RBM26: variants seen among roughly 807,000 people sequenced by gnomAD.
RBM26 encodes the protein RNA-binding protein 26.
Under a neutral mutation model 123.6 loss-of-function variants are expected in RBM26, and 30 were observed. The observed-to-expected ratio is 0.24, with a 90% confidence interval of 0.18 to 0.33. RBM26 has a LOEUF of 0.33. Among genes scored for constraint, RBM26 ranks in the 10% least tolerant of loss-of-function variants. The pLI is 1.00. For synonymous variants in RBM26, 400 were observed against 404.4 expected, an observed-to-expected ratio of 0.99 and a Z score of 0.13; for missense variants, 947 against 1,203.6, an observed-to-expected ratio of 0.79 and a Z score of 3.15.
At chr13:79,402,447 T>TC (rs1177530835) in intron 1 of RBM26, among the ~76,000 whole-genome samples, 152 of 151,906 alleles carry the variant, frequency 1.0e-3, no homozygotes, top group Non-Finnish European at 1.8e-3. Context: ...TTTTTTTTTT[T>TC]TTTTAAACAT....
intron 9 of RBM26, among the ~76,000 whole-genome samples, chr13:79,360,083 G>T (rs907921736): frequency 2.0e-5 from 3 of 152,016 alleles, no homozygotes; most frequent in Admixed American, 6.6e-5. Context: ...ATTTGACAGA[G>T]AAAGACAGGG....
At chr13:79,354,696 C>T (rs2073756942) in intron 12 of RBM26, 126 bp from the exon 13 acceptor site, 1 of 748,798 alleles carries the variant, frequency 1.3e-6, no homozygotes. Flanking sequence ...TAGTCAAAAC[C>T]TAACTGCCTT....
At chr13:79,396,271 G>A (rs914973563) in intron 1 of RBM26, among the ~76,000 whole-genome samples, 2 of 151,892 alleles carry the variant, frequency 1.3e-5, no homozygotes, top group Non-Finnish European at 2.9e-5. Context: ...AACCCAAAGT[G>A]TTTTAAAAGG....
At chr13:79,400,396 CAG>C (rs1368402138) in intron 1 of RBM26, among the ~76,000 whole-genome samples, 2 of 143,942 alleles carry the variant, frequency 1.4e-5, no homozygotes, top group Admixed American at 1.3e-4. Flanking sequence ...TGGCAGAAGT[CAG>C]AGGTCTCCCA....
rs963025039 is a variant in RBM26 at position 79,365,152 on chromosome 13, C to T, written c.1417+426G>A. 9.2e-5 allele frequency among the ~76,000 whole-genome samples: 14 copies of T among 152,066 alleles called. No homozygotes were observed. The South Asian group carries it at 2.5e-3, about 27-fold the overall frequency. On this transcript the variant is annotated intron_variant, in intron 9 of 21. Coordinates refer to ENST00000438737, the MANE Select transcript of RBM26 (RefSeq NM_001366735.2). Reference sequence around the variant, plus strand: ...GAAGGATACAGGGAACAAACAAAATCGCCATCCCAGCCAGTCACGGGGGCT... The same window carrying T: ...GAAGGATACAGGGAACAAACAAAATTGCCATCCCAGCCAGTCACGGGGGCT...
rs528750827 is a variant in RBM26 at position 79,324,247 on chromosome 13, G to A, written c.2821-1785C>T. Among the ~76,000 whole-genome samples the A allele has an allele frequency of 3.8e-4, 57 of 151,662 alleles. 1 individual carries two copies. Among genetic ancestry groups the A allele is most frequent in the African/African-American group, 1.3e-3 (52 of 41,458 alleles). ...ATATAAATATGTATGGTATGTATACGGAAACATACTAGTTTATAACTTCAT... is the reference window on the plus strand; with the variant it reads ...ATATAAATATGTATGGTATGTATACAGAAACATACTAGTTTATAACTTCAT... On this transcript the variant is annotated intron_variant, in intron 20 of 21. Transcript: ENST00000438737.
intron 1 of RBM26, among the ~76,000 whole-genome samples, chr13:79,403,184 A>G (rs1047678215): frequency 2.0e-5 from 3 of 152,150 alleles, no homozygotes; most frequent in African/African-American, 7.2e-5. Context: ...ATCAGCTTTT[A>G]TAAGTCATCA....
At chr13:79,366,583 T>C in intron 7 of RBM26, 50 bp downstream of exon 7, 2 of 1,473,102 alleles carry the variant, frequency 1.4e-6, no homozygotes, top group South Asian at 1.5e-5. Context: ...GTTTTAAAAA[T>C]AGACTAAGAA....
chr13:79,388,500 A>G (rs985499938), intron 1 of RBM26, among the ~76,000 whole-genome samples: 2 of 152,256 alleles, frequency 1.3e-5, no homozygotes, highest in Non-Finnish European at 2.9e-5. Flanking sequence ...GTATAGCAAT[A>G]AAACTTTCTC....
rs2070563819 is a variant in RBM26 at position 79,337,164 on chromosome 13, T to C, written c.2671A>G (p.Arg891Gly). ...PGHAVVDHRP[R>G]ALEISAFTES... is the part of the protein sequence containing the mutation. ...GTAAATGCAGAAATCTCCAATGCCC[T>C]GGGACGGTGATCCACCACAGCATGA... Residue 891 changes from arginine (R) to glycine (G), a missense_variant, in exon 19 of 22, where the codon AGG becomes GGG. Around this residue, in one of 5 missense-constraint regions of RBM26, gnomAD observed 164 missense variants for 215.3 expected, o/e 0.76. Transcript: ENST00000438737. 1 of 1,614,018 alleles carries C rather than the reference T, an allele frequency of 6.2e-7. No individual in the cohort carries two copies. Among genetic ancestry groups the C allele is most frequent in the Non-Finnish European group, 8.5e-7 (1 of 1,180,020 alleles).
At chr13:79,323,475 T>C (rs979163293) in intron 20 of RBM26, among the ~76,000 whole-genome samples, 1 of 151,626 alleles carries the variant, frequency 6.6e-6, no homozygotes, top group African/African-American at 2.4e-5. Flanking sequence ...ACTAGAATTT[T>C]TTTAAAAAGT....
At chr13:79,352,745 T>G (rs1273032885) in intron 14 of RBM26, among the ~76,000 whole-genome samples, 1 of 152,082 alleles carries the variant, frequency 6.6e-6, no homozygotes, top group African/African-American at 2.4e-5. Flanking sequence ...AGTAAAAAGA[T>G]TCAGAAAAAT....
At chr13:79,336,341 T>C (rs1227523979) in intron 19 of RBM26, among the ~76,000 whole-genome samples, 2 of 152,234 alleles carry the variant, frequency 1.3e-5, no homozygotes, top group African/African-American at 4.8e-5. Flanking sequence ...TATTCTGTGT[T>C]AAACTGATAC....
intron 11 of RBM26, 141 bp from the exon 12 acceptor site, chr13:79,355,525 A>G (rs2073868750): frequency 1.6e-6 from 1 of 627,230 alleles, no homozygotes; most frequent in East Asian, 2.7e-5. Context: ...TTAGTAGACC[A>G]CAGTCTACTT....
chr13:79,405,616 C>T, intron 1 of RBM26, 88 bp downstream of exon 1: 1 of 870,248 alleles, frequency 1.1e-6, no homozygotes, highest in South Asian at 2.1e-5. Flanking sequence ...CGGCCTCCAC[C>T]GCAGGCACTT....
intron 1 of RBM26, among the ~76,000 whole-genome samples, chr13:79,397,753 G>A (rs2078718497): frequency 1.4e-5 from 2 of 147,788 alleles, no homozygotes; most frequent in Admixed American, 1.3e-4. Flanking sequence ...TAGATGATGA[G>A]ATTGGTAGAA....
At chr13:79,351,863 G>T (rs1438337041) in intron 14 of RBM26, among the ~76,000 whole-genome samples, 3 of 152,114 alleles carry the variant, frequency 2.0e-5, no homozygotes, top group African/African-American at 7.2e-5. Context: ...GTATAAACTA[G>T]ACGAGGGGAA....
Position 79,359,608 on chromosome 13 carries a change from G to A in RBM26, c.1496C>T (p.Pro499Leu). Residue 499 changes from proline (P) to leucine (L), a missense_variant, in exon 10 of 22, where the codon CCT becomes CTT. Coordinates refer to ENST00000438737, the MANE Select transcript of RBM26 (RefSeq NM_001366735.2). Reference protein sequence around the residue: ...SRKRTIGSGEPGVPTKKTWFD... With the variant: ...SRKRTIGSGELGVPTKKTWFD... ...CCAAGTCTTCTTTGTAGGAACTCCAGGCTCTCCAGAACCAATGGTTCTTTT... is the reference window on the plus strand; with the variant it reads ...CCAAGTCTTCTTTGTAGGAACTCCAAGCTCTCCAGAACCAATGGTTCTTTT... The A allele has an allele frequency of 1.9e-6, 3 of 1,597,326 alleles. No homozygotes were observed. The highest frequency in any genetic ancestry group is 2.6e-6 in the Non-Finnish European group (3 of 1,171,522).
chr13:79,402,868 T>A (rs80243384), intron 1 of RBM26, among the ~76,000 whole-genome samples: 5 of 152,094 alleles, frequency 3.3e-5, no homozygotes, highest in Non-Finnish European at 7.3e-5. Context: ...TGTTACCTAC[T>A]ATATCTTGCA....
Sources: gnomAD v4.1 joint callset for allele counts (sites outside exome capture counted in the v4.1 genomes callset) on GRCh38, gnomAD v4.1.1 for gene constraint, gnomAD v4.1.1 regional missense constraint, MANE v1.5 for transcripts, NCBI Gene and HGNC (gene_info 2026-07-23, HGNC 2026-07-21) for gene names.